Variants in PPFIA2 observed in about 807,000 individuals in gnomAD.
PPFIA2 encodes the protein PPFI scaffold protein A2, also known as liprin-alpha-2.
PPFIA2 carries 46 observed loss-of-function variants against 175.5 expected under a neutral mutation model. The ratio of observed to expected loss-of-function variants is 0.26; its 90% CI spans 0.21 to 0.34. PPFIA2 has a LOEUF of 0.34. PPFIA2 is among the 10% of genes least tolerant of loss of function. PPFIA2 has a pLI of 1.00. For missense variants in PPFIA2, 1,179 were observed against 1,506.1 expected (o/e 0.78, Z 3.60); for synonymous variants, 568 against 511.4 (o/e 1.11, Z -1.49).
In PPFIA2 at chr12:81,508,576, C is replaced by G. The variant is rs1463011039; in HGVS notation, c.304-50710G>C. On this transcript the variant is annotated intron_variant, in intron 4 of 32. Coordinates refer to ENST00000549396, the MANE Select transcript of PPFIA2 (RefSeq NM_003625.5). ...GTAAAACTTAAAGAATTATAAATAG[C>G]AAGAGTTTACTTTCTTTTTTTTTCT... Among the ~76,000 whole-genome samples, 3 of 139,028 alleles carry G rather than the reference C, an allele frequency of 2.2e-5. No homozygotes were observed. In the East Asian group the frequency reaches 6.5e-4, roughly 30 times the overall value. The allele number at this position is 139,028 out of a possible 152,430, so 91.2% of individuals were successfully genotyped here. A position where few individuals can be genotyped will look rare whatever the true frequency, so the allele number is the denominator to read the frequency against.
At chr12:81,575,505 G>C (rs1161384941) in intron 4 of PPFIA2, among the ~76,000 whole-genome samples, 2 of 151,742 alleles carry the variant, frequency 1.3e-5, no homozygotes, top group East Asian at 3.9e-4. Flanking sequence ...AGGTATTTAT[G>C]AAACATTTAT....
intron 8 of PPFIA2, among the ~76,000 whole-genome samples, chr12:81,391,837 G>A (rs533943631): frequency 3.3e-5 from 5 of 151,880 alleles, no homozygotes; most frequent in Non-Finnish European, 5.9e-5. Flanking sequence ...AAAGATCAAA[G>A]ACAAAGTGAC....
intron 7 of PPFIA2, among the ~76,000 whole-genome samples, chr12:81,419,046 A>C (rs910975716): frequency 2.6e-5 from 4 of 152,030 alleles, no homozygotes; most frequent in Admixed American, 2.0e-4. Flanking sequence ...CGAATTTATC[A>C]GTATATAAAA....
chr12:81,598,484 G>C, intron 4 of PPFIA2: 1 of 468,308 alleles, frequency 2.1e-6, no homozygotes, highest in Non-Finnish European at 2.8e-6. Flanking sequence ...GTATTCAGAG[G>C]ACCTCTTCTG....
intron 4 of PPFIA2, among the ~76,000 whole-genome samples, chr12:81,601,240 T>G (rs2059760371): frequency 6.6e-6 from 1 of 151,962 alleles, no homozygotes; most frequent in Admixed American, 6.6e-5. Context: ...ATTGCCAAAG[T>G]ATACAATTTT....
intron 28 of PPFIA2, among the ~76,000 whole-genome samples, chr12:81,276,005 T>C (rs1052282260): frequency 7.2e-5 from 11 of 152,078 alleles, no homozygotes; most frequent in East Asian, 1.9e-4. Flanking sequence ...AGGATGGTCT[T>C]GATCTCCTGA....
At chr12:81,547,382 T>A (rs1018277404) in intron 4 of PPFIA2, among the ~76,000 whole-genome samples, 1 of 152,136 alleles carries the variant, frequency 6.6e-6, no homozygotes, top group South Asian at 2.1e-4. Context: ...TTTCCTTTTT[T>A]TTTTCTTTTT....
At chr12:81,728,463 A>G (rs1027229660) in intron 3 of PPFIA2, among the ~76,000 whole-genome samples, 1 of 151,346 alleles carries the variant, frequency 6.6e-6, no homozygotes, top group African/African-American at 2.4e-5. Context: ...ATTTTCCACT[A>G]CAGCATAATT....
chr12:81,274,388 G>A (rs1004099870), intron 28 of PPFIA2, among the ~76,000 whole-genome samples: 1 of 152,050 alleles, frequency 6.6e-6, no homozygotes, highest in Non-Finnish European at 1.5e-5. Context: ...CTGCAAATAT[G>A]TGCCCATCAA....
At chr12:81,527,306 C>T (rs77566640) in intron 4 of PPFIA2, among the ~76,000 whole-genome samples, 2,099 of 151,892 alleles carry the variant, frequency 0.014, 54 homozygotes, top group African/African-American at 0.048. Flanking sequence ...ATTATTAATA[C>T]TCTCATCTTC....
At chr12:81,718,213 T>C (rs2078889386) in intron 3 of PPFIA2, among the ~76,000 whole-genome samples, 1 of 151,586 alleles carries the variant, frequency 6.6e-6, no homozygotes. Flanking sequence ...GAGAAAGATA[T>C]AGGTAGAGGG....
At chr12:81,443,882 A>T (rs1191563071) in intron 6 of PPFIA2, among the ~76,000 whole-genome samples, 2 of 92,494 alleles carry the variant, frequency 2.2e-5, no homozygotes, top group East Asian at 3.6e-4. Context: ...TTTGAGACGG[A>T]GTCTCGCTGT....
intron 4 of PPFIA2, among the ~76,000 whole-genome samples, chr12:81,473,912 A>G (rs776124057): frequency 9.9e-5 from 15 of 152,164 alleles, no homozygotes; most frequent in Non-Finnish European, 1.8e-4. Flanking sequence ...TTCCTTACTC[A>G]TTTTTATTTA....
intron 7 of PPFIA2, among the ~76,000 whole-genome samples, chr12:81,434,878 A>G (rs1329866382): frequency 6.6e-6 from 1 of 152,190 alleles, no homozygotes; most frequent in African/African-American, 2.4e-5. Flanking sequence ...AACATATGGT[A>G]TATATACTTG....
intron 4 of PPFIA2, among the ~76,000 whole-genome samples, chr12:81,507,068 CA>C (rs916943041): frequency 1.1e-4 from 17 of 152,086 alleles, no homozygotes; most frequent in African/African-American, 4.1e-4. Context: ...AATAGTTATT[CA>C]AATAGTATTT....
intron 7 of PPFIA2, among the ~76,000 whole-genome samples, chr12:81,421,072 A>T (rs2046158927): frequency 6.6e-6 from 1 of 152,146 alleles, no homozygotes; most frequent in African/African-American, 2.4e-5. Context: ...CAACAAAATT[A>T]TTCTTTAAAA....
intron 18 of PPFIA2, among the ~76,000 whole-genome samples, chr12:81,347,260 G>T (rs1312784614): frequency 1.3e-5 from 2 of 151,904 alleles, no homozygotes; most frequent in Non-Finnish European, 2.9e-5. Context: ...GAAATTCATT[G>T]ACATTTATAA....
At chr12:81,331,986 T>C (rs1333684300) in intron 21 of PPFIA2, among the ~76,000 whole-genome samples, 2 of 152,186 alleles carry the variant, frequency 1.3e-5, no homozygotes, top group Non-Finnish European at 2.9e-5. Flanking sequence ...CAAATCAGTA[T>C]GTTAAGATGG....
At chr12:81,634,046 G>A (rs190322388) in intron 4 of PPFIA2, among the ~76,000 whole-genome samples, 3 of 152,162 alleles carry the variant, frequency 2.0e-5, no homozygotes, top group South Asian at 2.1e-4. Flanking sequence ...AAGTTAAAAT[G>A]TTACATTAAT....
Sources: gnomAD v4.1 joint callset for allele counts (sites outside exome capture counted in the v4.1 genomes callset) on GRCh38, gnomAD v4.1.1 for gene constraint, MANE v1.5 for transcripts, NCBI Gene and HGNC (gene_info 2026-07-23, HGNC 2026-07-21) for gene names.